Variants in KCTD16 observed in about 807,000 individuals in gnomAD.
KCTD16 encodes potassium channel tetramerization domain containing 16, also known as BTB/POZ domain-containing protein KCTD16.
KCTD16 carries 13 observed loss-of-function variants against 33.2 expected under a neutral mutation model. The observed-to-expected ratio is 0.39, with a 90% CI of 0.25 to 0.62. The LOEUF (loss-of-function observed/expected upper bound fraction) is 0.62, where lower values mean the gene tolerates loss of function less well. KCTD16 is among the 20% of genes least tolerant of loss of function. KCTD16 has a pLI of 0.50. For missense variants in KCTD16, 441 were observed against 525.1 expected, an observed-to-expected ratio of 0.84 and a Z score of 1.57; for synonymous variants, 197 against 195.3, an observed-to-expected ratio of 1.01 and a Z score of -0.07.
chr5:144,408,639 T>G (rs1752865580), intron 3 of KCTD16, among the ~76,000 whole-genome samples: 1 of 152,156 alleles, frequency 6.6e-6, no homozygotes, highest in African/African-American at 2.4e-5. Flanking sequence ...TAGAGGTATA[T>G]CAATTATATC....
intron 3 of KCTD16, chr5:144,439,299 GTCC>G: frequency 2.2e-6 from 1 of 462,402 alleles, no homozygotes; most frequent in East Asian, 5.9e-5. Context: ...AGCCAAGCTG[GTCC>G]CTAAAACCCA....
chr5:144,214,462 A>G (rs1444633527), intron 3 of KCTD16, among the ~76,000 whole-genome samples: 2 of 152,208 alleles, frequency 1.3e-5, no homozygotes, highest in African/African-American at 4.8e-5. Flanking sequence ...ATTCAAATAC[A>G]AACTCTTTAA....
Position 144,291,641 on chromosome 5 carries a change from A to C in KCTD16, c.832+84095A>C, listed in dbSNP as rs151153746. On this transcript the variant is annotated intron_variant, in intron 3 of 3. Transcript: ENST00000512467. ...AATAAAGGAAACTATTTTAAGGAGG[A>C]AAGTTTTGTCTACTTGAATGGCTTC... is the stretch of plus-strand genomic sequence containing the variant. Among the ~76,000 whole-genome samples, 379 of 152,312 alleles carry C rather than the reference A, an allele frequency of 2.5e-3. 1 individual carries two copies. Among genetic ancestry groups the C allele is most frequent in the African/African-American group, 8.8e-3 (366 of 41,572 alleles).
At chr5:144,467,055 CTA>C (rs1390149492) in intron 3 of KCTD16, among the ~76,000 whole-genome samples, 1 of 54,316 alleles carries the variant, frequency 1.8e-5, no homozygotes, top group Non-Finnish European at 4.0e-5. Context: ...ATATATAACA[CTA>C]TATGTATTAT....
intron 2 of KCTD16, among the ~76,000 whole-genome samples, chr5:144,176,691 C>T (rs1035353952): frequency 2.6e-5 from 4 of 152,036 alleles, no homozygotes; most frequent in African/African-American, 7.2e-5. Flanking sequence ...CGTGAGCCAC[C>T]GCGCCCGGCC....
intron 3 of KCTD16, among the ~76,000 whole-genome samples, chr5:144,434,694 T>C (rs1054199689): frequency 6.6e-6 from 1 of 152,202 alleles, no homozygotes; most frequent in Non-Finnish European, 1.5e-5. Context: ...CTTGTTGAAG[T>C]GATTAGAATA....
chr5:144,408,728 C>T (rs1304281104), intron 3 of KCTD16, among the ~76,000 whole-genome samples: 1 of 152,136 alleles, frequency 6.6e-6, no homozygotes, highest in African/African-American at 2.4e-5. Flanking sequence ...TTTGAGATAT[C>T]GCTCCTGCCT....
intron 3 of KCTD16, among the ~76,000 whole-genome samples, chr5:144,417,944 G>A (rs535985982): frequency 6.6e-6 from 1 of 152,146 alleles, no homozygotes; most frequent in South Asian, 2.1e-4. Flanking sequence ...AGTTCTTAAA[G>A]ATGGTGTGTC....
intron 3 of KCTD16, among the ~76,000 whole-genome samples, chr5:144,401,007 C>T (rs1006932623): frequency 2.6e-5 from 4 of 151,968 alleles, no homozygotes; most frequent in African/African-American, 9.7e-5. Flanking sequence ...AGTAGCGGGC[C>T]AAAGTTTGGA....
chr5:144,406,507 T>C (rs1482621084), intron 3 of KCTD16, among the ~76,000 whole-genome samples: 1 of 152,224 alleles, frequency 6.6e-6, no homozygotes, highest in Non-Finnish European at 1.5e-5. Context: ...AATGTCCATA[T>C]ATAAGTGACA....
chr5:144,190,106 A>G (rs1181817661), intron 2 of KCTD16, among the ~76,000 whole-genome samples: 1 of 152,132 alleles, frequency 6.6e-6, no homozygotes, highest in African/African-American at 2.4e-5. Flanking sequence ...CCAGGCACTT[A>G]GTCACTCTTT....
chr5:144,395,617 T>G (rs1255763679), intron 3 of KCTD16, among the ~76,000 whole-genome samples: 2 of 152,258 alleles, frequency 1.3e-5, no homozygotes, highest in Non-Finnish European at 2.9e-5. Context: ...CAGTTCCTGC[T>G]TACAGCCATA....
intron 3 of KCTD16, among the ~76,000 whole-genome samples, chr5:144,265,478 C>T (rs1410421748): frequency 6.6e-6 from 1 of 152,164 alleles, no homozygotes; most frequent in Non-Finnish European, 1.5e-5. Context: ...AGAAAACACA[C>T]TGAAGTTAAG....
At chr5:144,182,425 G>A (rs1752645270) in intron 2 of KCTD16, among the ~76,000 whole-genome samples, 1 of 152,122 alleles carries the variant, frequency 6.6e-6, no homozygotes, top group East Asian at 1.9e-4. Context: ...GAGAAACAAA[G>A]CCCTTTAAAT....
At chr5:144,334,267 C>T (rs1318722307) in intron 3 of KCTD16, among the ~76,000 whole-genome samples, 1 of 152,144 alleles carries the variant, frequency 6.6e-6, no homozygotes, top group Non-Finnish European at 1.5e-5. Context: ...TTCTTGGACA[C>T]ATAAAGGATG....
rs1200878606 is a variant in KCTD16 at position 144,475,326 on chromosome 5, G to A, written c.*1212G>A. Reference sequence around the variant, plus strand: ...CCTTTGGGATTCGGGCTTTGGCTGTGCCCATGCTAGGATTTAGCTGTGTCA... The same window carrying A: ...CCTTTGGGATTCGGGCTTTGGCTGTACCCATGCTAGGATTTAGCTGTGTCA... On this transcript the variant is annotated 3_prime_UTR_variant, in exon 4 of 4. Coordinates refer to ENST00000512467, the MANE Select transcript of KCTD16 (RefSeq NM_020768.4). 4 of 152,178 alleles carry A rather than the reference G, an allele frequency of 2.6e-5. No homozygotes were observed. The highest frequency in any genetic ancestry group is 4.4e-5 in the Non-Finnish European group (3 of 68,028). 9.4% of individuals were successfully genotyped at this position (152,178 alleles called of 1,614,324 possible). A position where few individuals can be genotyped will look rare whatever the true frequency, so the allele number is the denominator to read the frequency against.
chr5:144,313,036 C>T lies in KCTD16; in HGVS notation c.832+105490C>T, dbSNP rs190751839. ...GTAGTAAAAGATGGAAAAAACCAAA[C>T]GAAGAGTGAAGAAAAAAGTTATTAA... On this transcript the variant is annotated intron_variant, in intron 3 of 3. Coordinates refer to ENST00000512467, the MANE Select transcript of KCTD16 (RefSeq NM_020768.4). 9.9e-5 allele frequency among the ~76,000 whole-genome samples: 15 copies of T among 152,110 alleles called. No individual in the cohort carries two copies. The South Asian group carries it at 1.7e-3, about 17-fold the overall frequency.
chr5:144,184,914 G>T (rs1443184963), intron 2 of KCTD16, among the ~76,000 whole-genome samples: 1 of 152,108 alleles, frequency 6.6e-6, no homozygotes, highest in East Asian at 1.9e-4. Context: ...TAGCAACATG[G>T]TAAGAGCCAT....
At chr5:144,363,900 G>T (rs1278222025) in intron 3 of KCTD16, among the ~76,000 whole-genome samples, 1 of 152,114 alleles carries the variant, frequency 6.6e-6, no homozygotes, top group Admixed American at 6.5e-5. Flanking sequence ...GCTATCTATT[G>T]TTCTCAAATT....
Sources: gnomAD v4.1 joint callset for allele counts (sites outside exome capture counted in the v4.1 genomes callset) on GRCh38, gnomAD v4.1.1 for gene constraint, MANE v1.5 for transcripts, NCBI Gene and HGNC (gene_info 2026-07-23, HGNC 2026-07-21) for gene names.